The following CHRM3 variants were observed in gnomAD, a reference collection of about 807,000 sequenced individuals.
The protein encoded by CHRM3 is muscarinic acetylcholine receptor M3.
A neutral mutation model predicts 41.8 loss-of-function variants in CHRM3; 11 were observed. The observed-to-expected ratio is 0.26, with a 90% CI of 0.17 to 0.44. CHRM3 has a LOEUF of 0.44. Among genes scored for constraint, CHRM3 ranks in the 20% least tolerant of loss-of-function variants. The probability of loss-of-function intolerance (pLI) is 1.00; values close to 1 mark genes in which losing one functional copy is unlikely to be tolerated. For missense variants in CHRM3, 571 were observed against 745.4 expected, an observed-to-expected ratio of 0.77 and a Z score of 2.72; for synonymous variants, 297 against 301.4, an observed-to-expected ratio of 0.99 and a Z score of 0.15.
intron 4 of CHRM3, among the ~76,000 whole-genome samples, chr1:239,667,635 C>T (rs1673945157): frequency 6.6e-6 from 1 of 152,210 alleles, no homozygotes; most frequent in Non-Finnish European, 1.5e-5. Context: ...AGAAGCACCT[C>T]TTCATCCTTT....
intron 1 of CHRM3, among the ~76,000 whole-genome samples, chr1:239,452,738 G>A (rs1176517110): frequency 6.6e-6 from 1 of 152,136 alleles, no homozygotes; most frequent in East Asian, 1.9e-4. Context: ...AGCAGTGAAA[G>A]TTAAAAAGAT....
chr1:239,427,191 C>A (rs965234842), intron 1 of CHRM3, among the ~76,000 whole-genome samples: 4 of 152,062 alleles, frequency 2.6e-5, no homozygotes, highest in Admixed American at 6.6e-5. Context: ...TAGTCAGGAT[C>A]CCAGCAGGAA....
In CHRM3 at chr1:239,501,539, A is replaced by T. The variant is rs114317764; in HGVS notation, c.-422+8732A>T. 5.4e-3 allele frequency among the ~76,000 whole-genome samples: 815 copies of T among 152,300 alleles called. 6 individuals carry two copies. The highest frequency in any genetic ancestry group is 0.019 in the African/African-American group (783 of 41,566). On this transcript the variant is annotated intron_variant, in intron 2 of 6. Transcript: ENST00000676153. ...CTGAATGAGCATTGGGTCAAAACCA[A>T]AATCAAGATGGAAATTAAAAAATTC...
At chr1:239,493,301 T>C (rs558206389) in intron 2 of CHRM3, among the ~76,000 whole-genome samples, 14 of 152,194 alleles carry the variant, frequency 9.2e-5, no homozygotes, top group Non-Finnish European at 1.8e-4. Flanking sequence ...AGGATCTATC[T>C]GGAGGATCCT....
intron 3 of CHRM3, among the ~76,000 whole-genome samples, chr1:239,561,403 T>C (rs1470928386): frequency 1.3e-5 from 2 of 152,170 alleles, no homozygotes; most frequent in African/African-American, 4.8e-5. Context: ...CCAGACTACC[T>C]TCTCCTGGTC....
chr1:239,833,959 C>T (rs1673089990), intron 6 of CHRM3, among the ~76,000 whole-genome samples: 1 of 152,110 alleles, frequency 6.6e-6, no homozygotes, highest in South Asian at 2.1e-4. Flanking sequence ...TGACAAAGAG[C>T]CAGTCTATAC....
At chr1:239,903,744 A>C (rs1679758105) in intron 6 of CHRM3, among the ~76,000 whole-genome samples, 1 of 152,120 alleles carries the variant, frequency 6.6e-6, no homozygotes, top group African/African-American at 2.4e-5. Flanking sequence ...GTGGTGGCAA[A>C]TAGGGTGATC....
Position 239,802,180 on chromosome 1 carries a change from T to G in CHRM3, c.-146-25072T>G, listed in dbSNP as rs1670272483. Among the ~76,000 whole-genome samples, 2 of 152,210 alleles carry G rather than the reference T, an allele frequency of 1.3e-5. 1 individual carries two copies. The highest frequency in any genetic ancestry group is 1.3e-4 in the Admixed American group (2 of 15,278). ...GAAGCCAAGCAGCTTTGAAATGATGTAAGCTGACATGACTGATATCATTGG... is the reference window on the plus strand; with the variant it reads ...GAAGCCAAGCAGCTTTGAAATGATGGAAGCTGACATGACTGATATCATTGG... On this transcript the variant is annotated intron_variant, in intron 5 of 6. Transcript: ENST00000676153.
chr1:239,678,360 G>A (rs1434875515), intron 5 of CHRM3, 72 bp downstream of exon 5: 1 of 152,128 alleles, frequency 6.6e-6, no homozygotes, highest in Non-Finnish European at 1.5e-5. Flanking sequence ...CATTCCTGTG[G>A]ATTGCTAAGA....
intron 1 of CHRM3, among the ~76,000 whole-genome samples, chr1:239,477,965 G>A (rs1229131633): frequency 2.6e-5 from 4 of 152,284 alleles, no homozygotes; most frequent in East Asian, 3.9e-4. Context: ...TTGAAGCTGG[G>A]GTAGTACTGA....
At chr1:239,422,230 A>AT (rs1200834566) in intron 1 of CHRM3, among the ~76,000 whole-genome samples, 7 of 152,128 alleles carry the variant, frequency 4.6e-5, no homozygotes, top group African/African-American at 1.2e-4. Flanking sequence ...CATAGGCTAC[A>AT]TTTTTTCTGT....
intron 1 of CHRM3, among the ~76,000 whole-genome samples, chr1:239,446,018 G>A (rs1396820087): frequency 1.3e-5 from 2 of 151,748 alleles, no homozygotes; most frequent in African/African-American, 2.4e-5. Flanking sequence ...GCTCACTGCA[G>A]CCTCTGCCTC....
At chr1:239,586,687 G>A (rs1049281198) in intron 3 of CHRM3, among the ~76,000 whole-genome samples, 1 of 151,876 alleles carries the variant, frequency 6.6e-6, no homozygotes, top group Non-Finnish European at 1.5e-5. Flanking sequence ...CCTTGTTTGT[G>A]GGGAAATTAT....
At chr1:239,635,791 AC>A (rs1471896088) in intron 4 of CHRM3, among the ~76,000 whole-genome samples, 3 of 152,182 alleles carry the variant, frequency 2.0e-5, no homozygotes, top group Non-Finnish European at 4.4e-5. Flanking sequence ...TGCCAAAACC[AC>A]CATACTTATA....
intron 1 of CHRM3, among the ~76,000 whole-genome samples, chr1:239,445,409 G>A (rs1259599793): frequency 6.6e-6 from 1 of 152,186 alleles, no homozygotes; most frequent in East Asian, 1.9e-4. Flanking sequence ...AGGCATCTGG[G>A]CTTGGGGTGA....
In CHRM3 at chr1:239,696,095, T is replaced by C. The variant is rs531723442; in HGVS notation, c.-147+17807T>C. On this transcript the variant is annotated intron_variant, in intron 5 of 6. Transcript: ENST00000676153. ...GGGCTTGAAGTCGTAAGACATGATTTCTGGTCTTAACTTTGTTGTTTGCTA... is the reference window on the plus strand; with the variant it reads ...GGGCTTGAAGTCGTAAGACATGATTCCTGGTCTTAACTTTGTTGTTTGCTA... Among the ~76,000 whole-genome samples the C allele has an allele frequency of 9.2e-5, 14 of 152,306 alleles. No individual in the cohort carries two copies. In the East Asian group the frequency reaches 2.7e-3, roughly 29 times the overall value.
At chr1:239,470,793 T>C (rs1437340850) in intron 1 of CHRM3, among the ~76,000 whole-genome samples, 2 of 152,196 alleles carry the variant, frequency 1.3e-5, no homozygotes. Context: ...TTATTTTGCC[T>C]CATTTTCTTT....
intron 1 of CHRM3, among the ~76,000 whole-genome samples, chr1:239,407,208 A>C (rs1660660302): frequency 6.6e-6 from 1 of 152,064 alleles, no homozygotes; most frequent in Non-Finnish European, 1.5e-5. Flanking sequence ...CTGTCCTCAA[A>C]TGCCATCCGA....
chr1:239,465,901 A>G (rs892797627), intron 1 of CHRM3, among the ~76,000 whole-genome samples: 15 of 152,166 alleles, frequency 9.9e-5, no homozygotes, highest in African/African-American at 3.1e-4. Flanking sequence ...AGACAGCAAG[A>G]CCAACTGCTC....
Sources: allele counts gnomAD v4.1 joint callset (sites outside exome capture counted in the v4.1 genomes callset), GRCh38; gene constraint gnomAD v4.1.1; transcripts MANE v1.5; gene names NCBI Gene and HGNC (gene_info 2026-07-23, HGNC 2026-07-21).